The following PPP1R16A variants were observed in gnomAD, a reference collection of about 807,000 sequenced individuals.
PPP1R16A encodes protein phosphatase 1 regulatory subunit 16A, also known as myosin phosphatase-targeting subunit 3.
PPP1R16A carries 39 observed loss-of-function variants against 46.6 expected under a neutral mutation model. The observed-to-expected ratio is 0.84, with a 90% CI of 0.65 to 1.09. PPP1R16A has a LOEUF of 1.09. Ranked by LOEUF, PPP1R16A falls within the 50% of genes least tolerant of loss-of-function variation. The pLI, the probability that PPP1R16A is intolerant of heterozygous loss-of-function variation, is 0.00. For synonymous variants in PPP1R16A, 413 were observed against 321.5 expected, an observed-to-expected ratio of 1.28 and a Z score of -3.04; for missense variants, 798 against 735.6, an observed-to-expected ratio of 1.08 and a Z score of -0.98.
At chr8:144,495,087 G>C (rs1290709300) in intron 2 of PPP1R16A, among the ~76,000 whole-genome samples, 1 of 152,208 alleles carries the variant, frequency 6.6e-6, no homozygotes, top group Non-Finnish European at 1.5e-5. Context: ...CTCTTTACTT[G>C]GCAGGCAGAA....
chr8:144,484,307 T>C (rs930247688), intron 1 of PPP1R16A, among the ~76,000 whole-genome samples: 1 of 152,260 alleles, frequency 6.6e-6, no homozygotes, highest in Non-Finnish European at 1.5e-5. Flanking sequence ...TCCTCACCAT[T>C]GTACTTGACA....
chr8:144,497,603 GC>G, intron 3 of PPP1R16A, 150 bp downstream of exon 3: 2 of 1,117,680 alleles, frequency 1.8e-6, no homozygotes, highest in South Asian at 1.3e-5. Flanking sequence ...AGGCTGGGTG[GC>G]CCAGGGTGCC....
intron 4 of PPP1R16A, 24 bp downstream of exon 4, chr8:144,498,864 A>G: frequency 6.2e-7 from 1 of 1,612,288 alleles, no homozygotes; most frequent in South Asian, 1.1e-5. Context: ...GGGTGTGGGC[A>G]GGGTGGGGGC....
chr8:144,483,834 G>C (rs985634452), intron 1 of PPP1R16A, among the ~76,000 whole-genome samples: 1 of 152,154 alleles, frequency 6.6e-6, no homozygotes, highest in Non-Finnish European at 1.5e-5. Flanking sequence ...CCATATGTTG[G>C]GATTATAGGC....
intron 1 of PPP1R16A, among the ~76,000 whole-genome samples, chr8:144,487,269 T>C (rs1321153471): frequency 6.6e-6 from 1 of 152,036 alleles, no homozygotes; most frequent in East Asian, 1.9e-4. Context: ...CGTAAGTCAC[T>C]GCGCCTGGCC....
chr8:144,488,620 G>C (rs1281008806), intron 1 of PPP1R16A, among the ~76,000 whole-genome samples: 1 of 152,056 alleles, frequency 6.6e-6, no homozygotes, highest in Admixed American at 6.6e-5. Context: ...AGGCTCAGAG[G>C]GGATAGGCAG....
At chr8:144,489,852 A>G (rs1309182927) in intron 1 of PPP1R16A, among the ~76,000 whole-genome samples, 182 bp from the exon 2 acceptor site, 2 of 152,166 alleles carry the variant, frequency 1.3e-5, no homozygotes, top group Non-Finnish European at 2.9e-5. Flanking sequence ...GTCACATTTC[A>G]GGAGGTCTCT....
rs1027142073 is a variant in PPP1R16A at position 144,493,990 on chromosome 8, C to T, written c.-734-2471C>T. Among the ~76,000 whole-genome samples, 3 of 152,136 alleles carry T rather than the reference C, an allele frequency of 2.0e-5. No individual in the cohort carries two copies. The highest frequency in any genetic ancestry group is 6.5e-5 in the Admixed American group (1 of 15,270). On this transcript the variant is annotated intron_variant, in intron 2 of 11. Transcript: ENST00000435887. The surrounding 1 kb of genome is among the most constrained non-coding windows in gnomAD (Gnocchi z 4.3). ...GCTGCTGTTCTCTGATGAATTTTCA[C>T]GGATGTGCCTCGGAATGAGAAACAA...
intron 1 of PPP1R16A, among the ~76,000 whole-genome samples, chr8:144,479,995 G>A (rs1237956158): frequency 6.6e-6 from 1 of 152,212 alleles, no homozygotes; most frequent in African/African-American, 2.4e-5. Context: ...AACTGGCCAA[G>A]TTCTTAGGAT....
chr8:144,499,892 G>A (rs1475659032), intron 5 of PPP1R16A: 1 of 579,634 alleles, frequency 1.7e-6, no homozygotes, highest in Non-Finnish European at 3.1e-6. Context: ...GATGGATAGA[G>A]ACTGCAGGAG....
intron 10 of PPP1R16A, 46 bp downstream of exon 10, chr8:144,501,017 G>A (rs554454561): frequency 1.4e-6 from 2 of 1,463,772 alleles, no homozygotes; most frequent in Admixed American, 4.9e-5. Flanking sequence ...TGGCCCCGCG[G>A]ACGTCAGCCC....
rs1825910437 is a variant in PPP1R16A, at chr8:144,493,674, C to T, written c.-734-2787C>T. ...CAGAGGGGGACGCTTAGGGCTCAGC[C>T]TGGGGGGAGGTGGGCACTGGGACAC... On this transcript the variant is annotated intron_variant, in intron 2 of 11. Transcript: ENST00000435887. This position sits in a 1 kb window ranked among gnomAD's most constrained non-coding sequence, Gnocchi z 4.3. 6.6e-6 allele frequency among the ~76,000 whole-genome samples: 1 copy of T among 152,122 alleles called. No individual in the cohort carries two copies. The highest frequency in any genetic ancestry group is 2.1e-4 in the South Asian group (1 of 4,828).
chr8:144,501,808 G>A lies in PPP1R16A; in HGVS notation c.1492G>A (p.Gly498Ser), dbSNP rs1316824057. 1 of 1,555,188 alleles carries A rather than the reference G, an allele frequency of 6.4e-7. No individual in the cohort carries two copies. The highest frequency in any genetic ancestry group is 1.9e-5 in the Admixed American group (1 of 51,974). Reference protein sequence around the residue: ...GDTVTPQPDCGFRAGGDPPLL... With the variant: ...GDTVTPQPDCSFRAGGDPPLL... ...CACGGTGACCCCCCAGCCTGACTGTGGCTTCAGGGCAGGCGGGGACCCACC... is the reference window on the plus strand; with the variant it reads ...CACGGTGACCCCCCAGCCTGACTGTAGCTTCAGGGCAGGCGGGGACCCACC... Residue 498 changes from glycine (G) to serine (S), a missense_variant, in exon 12 of 12, where the codon GGC becomes AGC. Transcript: ENST00000435887.
chr8:144,497,259 G>T lies in PPP1R16A; in HGVS notation c.65G>T (p.Arg22Leu). The T allele has an allele frequency of 6.2e-7, 1 of 1,609,042 alleles. No homozygotes were observed. Among genetic ancestry groups the T allele is most frequent in the South Asian group, 1.1e-5 (1 of 90,554 alleles). The change falls in exon 3 of 12, where the codon CGG becomes CTG. Residue 22 changes from arginine to leucine, a missense_variant. Physicochemically the swap from Arg to Leu is moderately radical, Grantham distance 102. Transcript: ENST00000435887. ...GTGGGCAGGATGAGCACACAGGAGC[G>T]GCTGAAGCATGCCCAGAAGCGGCGC... ...PMVGRMSTQE[R>L]LKHAQKRRAQ...
intron 1 of PPP1R16A, among the ~76,000 whole-genome samples, chr8:144,488,974 C>G (rs1014749332): frequency 6.6e-6 from 1 of 151,520 alleles, no homozygotes; most frequent in African/African-American, 2.4e-5. Context: ...GAGGCTGAGA[C>G]AGGCGGATCA....
Position 144,500,909 on chromosome 8 carries a change from G to A in PPP1R16A, c.975G>A (p.Leu325=). Residue 325 remains leucine, a synonymous_variant, in exon 10 of 12, where the codon CTG becomes CTA. Transcript: ENST00000435887. ...LELKHKHDAL[L]RAQSRQRSLL... is the part of the protein sequence containing the mutation. ...TGAAGCACAAGCACGACGCCCTCCT[G>A]CGCGCCCAGAGCCGCCAGCGCTCCT... The A allele has an allele frequency of 6.5e-7, 1 of 1,535,888 alleles. No individual in the cohort carries two copies.
Position 144,497,059 on chromosome 8 carries a change from AGG to A in PPP1R16A, c.-134_-133del. The A allele has an allele frequency of 8.2e-7, 1 of 1,215,378 alleles. No homozygotes were observed. The allele number at this position is 1,215,378 out of a possible 1,614,324, so 75.3% of individuals were successfully genotyped here. ...TGTGTGGGGCCTCCTGACCCAGCCA[AGG>A]GCACGAAGCTCTGGGAAGGGGATGC... On this transcript the variant is annotated 5_prime_UTR_variant, in exon 3 of 12. Coordinates refer to ENST00000435887, the MANE Select transcript of PPP1R16A (RefSeq NM_001329443.2).
chr8:144,486,056 C>T (rs1825615656), intron 1 of PPP1R16A, among the ~76,000 whole-genome samples: 1 of 152,160 alleles, frequency 6.6e-6, no homozygotes, highest in Non-Finnish European at 1.5e-5. Flanking sequence ...TCATGTTTCA[C>T]CTGTTACAAG....
intron 3 of PPP1R16A, chr8:144,498,328 A>T (rs553364143): frequency 1.3e-4 from 44 of 347,326 alleles, no homozygotes; most frequent in Admixed American, 3.4e-4. Context: ...GAGAGCAGGG[A>T]TGTGCTCTGG....
Sources: gnomAD v4.1 joint callset for allele counts (sites outside exome capture counted in the v4.1 genomes callset) on GRCh38, gnomAD v4.1.1 for gene constraint, Gnocchi (gnomAD v3.1) non-coding constraint, MANE v1.5 for transcripts, NCBI Gene and HGNC (gene_info 2026-07-23, HGNC 2026-07-21) for gene names.